Variants in STXBP5L observed in about 807,000 individuals in gnomAD.
STXBP5L encodes syntaxin binding protein 5L.
STXBP5L carries 65 observed loss-of-function variants against 144.5 expected under a neutral mutation model. That is an observed-to-expected ratio of 0.45 (90% CI 0.37 to 0.55). The LOEUF (loss-of-function observed/expected upper bound fraction) is 0.55. STXBP5L is among the 20% of genes least tolerant of loss of function. The pLI, the probability that STXBP5L is intolerant of heterozygous loss-of-function variation, is 0.00. For missense variants in STXBP5L, 1,298 were observed against 1,405.5 expected (o/e 0.92, Z 1.22); for synonymous variants, 505 against 469.6 (o/e 1.08, Z -0.97).
chr3:121,202,345 C>G (rs2048171799), intron 9 of STXBP5L, among the ~76,000 whole-genome samples: 2 of 151,928 alleles, frequency 1.3e-5, no homozygotes, highest in Non-Finnish European at 2.9e-5. Context: ...CCTTCTTTTT[C>G]TTGTTATTGG....
At chr3:121,017,756 G>A (rs193010855) in intron 3 of STXBP5L, among the ~76,000 whole-genome samples, 10 of 151,906 alleles carry the variant, frequency 6.6e-5, no homozygotes, top group African/African-American at 2.2e-4. Context: ...TCAGAAGACT[G>A]ATGAAAGAAA....
At chr3:120,958,377 A>G (rs1466436852) in intron 3 of STXBP5L, among the ~76,000 whole-genome samples, 3 of 152,308 alleles carry the variant, frequency 2.0e-5, no homozygotes, top group East Asian at 1.9e-4. Flanking sequence ...CAATCAATAG[A>G]AAAAGAGGGA....
At chr3:121,412,314 GA>G (rs2047130862) in intron 23 of STXBP5L, among the ~76,000 whole-genome samples, 1 of 152,172 alleles carries the variant, frequency 6.6e-6, no homozygotes, top group Non-Finnish European at 1.5e-5. Context: ...GGCTGAGAAA[GA>G]AAGTGTTCCC....
chr3:121,139,219 A>T (rs569535920), intron 7 of STXBP5L, among the ~76,000 whole-genome samples: 66 of 152,170 alleles, frequency 4.3e-4, no homozygotes, highest in African/African-American at 1.6e-3. Context: ...TATTTATAAA[A>T]GCTGAAGGAG....
intron 19 of STXBP5L, among the ~76,000 whole-genome samples, chr3:121,291,897 A>G (rs2051453308): frequency 6.6e-6 from 1 of 152,210 alleles, no homozygotes; most frequent in Non-Finnish European, 1.5e-5. Context: ...CTTGTACAAA[A>G]ATCAACTCAG....
At chr3:120,970,358 T>G (rs1940104966) in intron 3 of STXBP5L, among the ~76,000 whole-genome samples, 1 of 152,172 alleles carries the variant, frequency 6.6e-6, no homozygotes, top group Admixed American at 6.6e-5. Context: ...TAGTATTTCT[T>G]GTAAGACAGG....
intron 12 of STXBP5L, among the ~76,000 whole-genome samples, chr3:121,238,671 A>T (rs2049565956): frequency 6.6e-6 from 1 of 152,172 alleles, no homozygotes; most frequent in Non-Finnish European, 1.5e-5. Flanking sequence ...GTTATATAAT[A>T]GTTTCAGATT....
At chr3:121,328,227 T>C (rs2044211781) in intron 20 of STXBP5L, among the ~76,000 whole-genome samples, 1 of 152,208 alleles carries the variant, frequency 6.6e-6, no homozygotes, top group African/African-American at 2.4e-5. Flanking sequence ...AGTTTAATAA[T>C]GAAAATAATA....
intron 7 of STXBP5L, among the ~76,000 whole-genome samples, chr3:121,152,235 A>C (rs934152573): frequency 6.6e-6 from 1 of 151,700 alleles, no homozygotes; most frequent in Non-Finnish European, 1.5e-5. Flanking sequence ...ATATCATGTC[A>C]TATATATTTA....
At chr3:121,008,220 A>G (rs1002843123) in intron 3 of STXBP5L, among the ~76,000 whole-genome samples, 7 of 151,946 alleles carry the variant, frequency 4.6e-5, no homozygotes, top group African/African-American at 1.2e-4. Context: ...CACTTTTAGT[A>G]GCAACAACTC....
At chr3:121,124,738 C>T (rs1354041466) in intron 7 of STXBP5L, among the ~76,000 whole-genome samples, 2 of 151,844 alleles carry the variant, frequency 1.3e-5, no homozygotes, top group Non-Finnish European at 2.9e-5. Flanking sequence ...TCTTCCTTTC[C>T]AATATTTATG....
At chr3:121,247,034 T>C (rs1158500360) in intron 14 of STXBP5L, among the ~76,000 whole-genome samples, 1 of 152,170 alleles carries the variant, frequency 6.6e-6, no homozygotes, top group Non-Finnish European at 1.5e-5. Context: ...TTACTAAAAA[T>C]TATCAAACTG....
chr3:120,978,767 G>T (rs1023289426), intron 3 of STXBP5L, among the ~76,000 whole-genome samples: 10 of 152,190 alleles, frequency 6.6e-5, no homozygotes, highest in African/African-American at 2.4e-4. Flanking sequence ...CTAACAGATG[G>T]GACCCTCAGC....
intron 20 of STXBP5L, among the ~76,000 whole-genome samples, chr3:121,369,954 T>C (rs997909507): frequency 1.3e-5 from 2 of 152,210 alleles, no homozygotes; most frequent in Admixed American, 6.5e-5. Context: ...CTAAATCTCA[T>C]GTCGAATTGT....
intron 19 of STXBP5L, among the ~76,000 whole-genome samples, chr3:121,293,643 T>C (rs1018097667): frequency 6.6e-6 from 1 of 152,160 alleles, no homozygotes; most frequent in Non-Finnish European, 1.5e-5. Context: ...GTGGATCACC[T>C]GAGGTCAGGA....
rs187369942 is a variant in STXBP5L at position 121,148,232 on chromosome 3, A to T, written c.670-4245A>T. Among the ~76,000 whole-genome samples, 121 of 152,274 alleles carry T rather than the reference A, an allele frequency of 7.9e-4. 1 individual carries two copies. Among genetic ancestry groups the T allele is most frequent in the African/African-American group, 2.7e-3 (114 of 41,558 alleles). The stretch of plus-strand genomic sequence containing the variant: ...AACAAAACAGTTATTTGAAAATACT[A>T]ACAAAATTGATGCATCTCTGGCAAG... On this transcript the variant is annotated intron_variant, in intron 7 of 26. Transcript: ENST00000471454.
At chr3:121,139,705 T>C (rs1051076688) in intron 7 of STXBP5L, among the ~76,000 whole-genome samples, 1 of 152,086 alleles carries the variant, frequency 6.6e-6, no homozygotes, top group Non-Finnish European at 1.5e-5. Flanking sequence ...ATGGTACATA[T>C]TCTATTGCAA....
chr3:120,928,112 C>A (rs1001783095), intron 2 of STXBP5L, among the ~76,000 whole-genome samples: 2 of 152,086 alleles, frequency 1.3e-5, no homozygotes, highest in African/African-American at 4.8e-5. Context: ...TTTAAGTACT[C>A]ATTTCAATGA....
chr3:121,043,122 T>C (rs1020778547), intron 4 of STXBP5L, among the ~76,000 whole-genome samples: 1 of 152,064 alleles, frequency 6.6e-6, no homozygotes, highest in Admixed American at 6.6e-5. Flanking sequence ...TCAACCTCCT[T>C]GCCTTGTTCA....
Sources: gnomAD v4.1 joint callset for allele counts (sites outside exome capture counted in the v4.1 genomes callset) on GRCh38, gnomAD v4.1.1 for gene constraint, MANE v1.5 for transcripts, NCBI Gene and HGNC (gene_info 2026-07-23, HGNC 2026-07-21) for gene names.